Variants in CHL1 observed in about 807,000 individuals in gnomAD.
CHL1 encodes the protein cell adhesion molecule L1 like.
CHL1 carries 96 observed loss-of-function variants against 141.9 expected under a neutral mutation model. That is an observed-to-expected ratio of 0.68 (90% confidence interval 0.57 to 0.80). The LOEUF is 0.80. Among genes scored for constraint, CHL1 ranks in the 30% least tolerant of loss-of-function variants. CHL1 has a pLI of 0.00. For synonymous variants in CHL1, 613 were observed against 502.2 expected (o/e 1.22, Z -2.95); for missense variants, 1,820 against 1,457.2 (o/e 1.25, Z -4.05).
At chr3:286,465 GC>G (rs1488888352) in intron 2 of CHL1, among the ~76,000 whole-genome samples, 3 of 151,930 alleles carry the variant, frequency 2.0e-5, no homozygotes, top group Non-Finnish European at 4.4e-5. Context: ...ACAAAAATTA[GC>G]CAGGCATGGT....
chr3:232,178 C>A (rs146153516), intron 1 of CHL1, among the ~76,000 whole-genome samples: 1 of 152,208 alleles, frequency 6.6e-6, no homozygotes, highest in East Asian at 1.9e-4. Flanking sequence ...GAGGAGGCAC[C>A]GGAGAATCAT....
chr3:273,998 A>C (rs1250063821), intron 2 of CHL1, among the ~76,000 whole-genome samples: 3 of 152,188 alleles, frequency 2.0e-5, no homozygotes, highest in Non-Finnish European at 4.4e-5. Flanking sequence ...GCCTCAATGA[A>C]ATAGACTCAG....
Position 225,963 on chromosome 3 carries a change from A to T in CHL1, c.-174-18650A>T, listed in dbSNP as rs1001832191. ...GGCGGAGCTTGCAGTGAGCCGAGAT[A>T]GCACCAGTGCACTTCAGCCCGGGAG... On this transcript the variant is annotated intron_variant, in intron 1 of 27. Coordinates refer to ENST00000256509, the MANE Select transcript of CHL1 (RefSeq NM_006614.4). 7.3e-5 allele frequency among the ~76,000 whole-genome samples: 11 copies of T among 151,634 alleles called. No homozygotes were observed. The South Asian group carries it at 1.9e-3, about 26-fold the overall frequency.
At chr3:340,571 T>G (rs1702271887) in intron 5 of CHL1, among the ~76,000 whole-genome samples, 1 of 152,156 alleles carries the variant, frequency 6.6e-6, no homozygotes, top group Non-Finnish European at 1.5e-5. Flanking sequence ...AAAACATTAT[T>G]GTCTGGGGTT....
Position 349,528 on chromosome 3 carries a change from C to A in CHL1, c.1018C>A (p.His340Asn). The change falls in exon 10 of 28, where the codon CAC (histidine) becomes AAC (asparagine). Residue 340 changes from histidine (H) to asparagine (N), a missense_variant. His to Asn is a moderately conservative substitution (Grantham distance 68). Coordinates refer to ENST00000256509, the MANE Select transcript of CHL1 (RefSeq NM_006614.4). ...NFLGTATHDF[H>N]VIVEEPPRWT... ...CTTGGGAACAGCCACTCACGATTTT[C>A]ACGTTATAGTAGAAGGTACCTTTCC... The A allele has an allele frequency of 6.2e-7, 1 of 1,613,564 alleles. No individual in the cohort carries two copies. The highest frequency in any genetic ancestry group is 8.5e-7 in the Non-Finnish European group (1 of 1,179,774).
chr3:241,047 GACATTGGTACA>G (rs1692513686), intron 1 of CHL1, among the ~76,000 whole-genome samples: 2 of 152,136 alleles, frequency 1.3e-5, no homozygotes, highest in African/African-American at 4.8e-5. Flanking sequence ...GCCAGGCAGT[GACATTGGTACA>G]ACTAATATAT....
chr3:251,819 G>A, intron 2 of CHL1, among the ~76,000 whole-genome samples: 1 of 152,022 alleles, frequency 6.6e-6, no homozygotes, highest in South Asian at 2.1e-4. Context: ...CAATTTTATA[G>A]CACATATTTC....
rs73088634 is a variant in CHL1 at position 202,014 on chromosome 3, G to T, written c.-175+4951G>T. 2.5e-3 allele frequency among the ~76,000 whole-genome samples: 374 copies of T among 152,238 alleles called. 1 individual carries two copies. Among genetic ancestry groups the T allele is most frequent in the Non-Finnish European group, 4.7e-3 (318 of 68,020 alleles). On this transcript the variant is annotated intron_variant, in intron 1 of 27. Coordinates refer to ENST00000256509, the MANE Select transcript of CHL1 (RefSeq NM_006614.4). ...TAAAGTGTCTGGCACAGCAGGAAGC[G>T]AACTGTTGTGGTGGTTACATGCACT... is the stretch of plus-strand genomic sequence containing the variant.
At chr3:214,553 T>A (rs1700151926) in intron 1 of CHL1, among the ~76,000 whole-genome samples, 1 of 152,196 alleles carries the variant, frequency 6.6e-6, no homozygotes, top group South Asian at 2.1e-4. Flanking sequence ...TTGACTTGAC[T>A]TGTTAAATCT....
intron 2 of CHL1, among the ~76,000 whole-genome samples, chr3:312,716 A>G (rs987156081): frequency 6.6e-6 from 1 of 152,226 alleles, no homozygotes; most frequent in Non-Finnish European, 1.5e-5. Context: ...CATCATGAAA[A>G]TGTCAAATGG....
At chr3:356,066 T>C (rs1235024822) in intron 11 of CHL1, among the ~76,000 whole-genome samples, 1 of 152,208 alleles carries the variant, frequency 6.6e-6, no homozygotes, top group East Asian at 1.9e-4. Context: ...TGGTTGGTAT[T>C]GTTTTCCCAT....
intron 2 of CHL1, among the ~76,000 whole-genome samples, chr3:313,808 C>G (rs1258812737): frequency 1.3e-5 from 2 of 151,998 alleles, no homozygotes; most frequent in African/African-American, 4.8e-5. Flanking sequence ...AATTAAGGAT[C>G]AAAGCATTAA....
chr3:311,993 C>A (rs563287160), intron 2 of CHL1, among the ~76,000 whole-genome samples: 1 of 152,062 alleles, frequency 6.6e-6, no homozygotes, highest in African/African-American at 2.4e-5. Context: ...GATGTCATTA[C>A]AGTATACTAT....
At chr3:359,634 T>C (rs1430293006) in intron 11 of CHL1, among the ~76,000 whole-genome samples, 1 of 152,200 alleles carries the variant, frequency 6.6e-6, no homozygotes, top group South Asian at 2.1e-4. Flanking sequence ...CCAAAAGATA[T>C]TCCCAGAATT....
intron 2 of CHL1, among the ~76,000 whole-genome samples, chr3:292,280 A>T (rs1442196985): frequency 2.0e-5 from 3 of 152,324 alleles, no homozygotes; most frequent in African/African-American, 7.2e-5. Context: ...CTACTGCTTG[A>T]ATGGGGCTAA....
chr3:377,552 C>G (rs902665990), intron 15 of CHL1, among the ~76,000 whole-genome samples: 1 of 152,146 alleles, frequency 6.6e-6, no homozygotes, highest in Non-Finnish European at 1.5e-5. Context: ...ACATACAGTT[C>G]CATCACTGAC....
chr3:242,778 G>A (rs1374395304), intron 1 of CHL1, among the ~76,000 whole-genome samples: 1 of 152,092 alleles, frequency 6.6e-6, no homozygotes, highest in Non-Finnish European at 1.5e-5. Flanking sequence ...AAAGCTGAAG[G>A]AAGCAGATGA....
intron 2 of CHL1, among the ~76,000 whole-genome samples, chr3:276,749 C>A (rs79021605): frequency 6.6e-6 from 1 of 151,860 alleles, no homozygotes; most frequent in Non-Finnish European, 1.5e-5. Context: ...ATTAGCTGGG[C>A]ATGCTGGCCG....
At chr3:281,858 C>A (rs538693712) in intron 2 of CHL1, among the ~76,000 whole-genome samples, 1 of 152,106 alleles carries the variant, frequency 6.6e-6, no homozygotes, top group Non-Finnish European at 1.5e-5. Flanking sequence ...CCATGCCCAG[C>A]CTATTTCTTT....
Sources: gnomAD v4.1 joint callset for allele counts (sites outside exome capture counted in the v4.1 genomes callset) on GRCh38, gnomAD v4.1.1 for gene constraint, MANE v1.5 for transcripts, NCBI Gene and HGNC (gene_info 2026-07-23, HGNC 2026-07-21) for gene names.